DRC9: variants seen among roughly 807,000 people sequenced by gnomAD.
DRC9 encodes the protein dynein regulatory complex subunit 9.
At chr3:197,897,661 G>C in the DRC9 span, among the ~76,000 whole-genome samples, 1 of 151,700 alleles carries the variant, frequency 6.6e-6, no homozygotes, top group African/African-American at 2.4e-5. Flanking sequence ...ATAAAATATT[G>C]TCTGTAACAG....
chr3:197,910,736 T>C, the DRC9 span, among the ~76,000 whole-genome samples: 1 of 152,162 alleles, frequency 6.6e-6, no homozygotes, highest in Non-Finnish European at 1.5e-5. Flanking sequence ...TCCCAGCACT[T>C]TGGGAGGCCG....
the DRC9 span, among the ~76,000 whole-genome samples, chr3:197,946,353 T>G: frequency 9.9e-5 from 14 of 141,062 alleles, no homozygotes; most frequent in African/African-American, 3.1e-4. Context: ...GAGAATGGCG[T>G]GAACCTGGGA....
the DRC9 span, among the ~76,000 whole-genome samples, chr3:197,893,701 A>G: frequency 6.6e-6 from 1 of 151,052 alleles, no homozygotes; most frequent in African/African-American, 2.4e-5. Context: ...AAAAAAAAAA[A>G]GCCAGGCATG....
chr3:197,897,232 C>T, the DRC9 span, among the ~76,000 whole-genome samples: 1 of 151,606 alleles, frequency 6.6e-6, no homozygotes, highest in South Asian at 2.1e-4. Context: ...ACGTAAGTTA[C>T]AAAAAAGACT....
At chr3:197,955,643 G>C in the DRC9 span, 3 of 1,005,698 alleles carry the variant, frequency 3.0e-6, no homozygotes, top group South Asian at 1.3e-5. Flanking sequence ...CTTACCACTA[G>C]AACATGTAAT....
At chr3:197,953,418 C>T in the DRC9 span, 6 of 456,570 alleles carry the variant, frequency 1.3e-5, no homozygotes, top group South Asian at 3.1e-5. Context: ...GTACATTGCT[C>T]GAACCACAGT....
chr3:197,895,276 T>C, the DRC9 span, among the ~76,000 whole-genome samples: 1 of 152,186 alleles, frequency 6.6e-6, no homozygotes, highest in Non-Finnish European at 1.5e-5. Context: ...ATTTTATTTA[T>C]TTATTTACTT....
the DRC9 span, among the ~76,000 whole-genome samples, chr3:197,892,416 G>T: frequency 6.6e-6 from 1 of 152,172 alleles, no homozygotes; most frequent in Non-Finnish European, 1.5e-5. Flanking sequence ...CATCTAAAAA[G>T]AATCCTGGTG....
the DRC9 span, among the ~76,000 whole-genome samples, chr3:197,907,848 C>T: frequency 6.6e-6 from 1 of 150,398 alleles, no homozygotes; most frequent in African/African-American, 2.5e-5. Flanking sequence ...AAGAGCAACC[C>T]TTTCCAAGGC....
the DRC9 span, among the ~76,000 whole-genome samples, chr3:197,911,386 T>C: frequency 6.6e-6 from 1 of 152,138 alleles, no homozygotes; most frequent in East Asian, 1.9e-4. Flanking sequence ...TAGTAAATAG[T>C]TGCCATGAAG....
chr3:197,915,056 C>T, the DRC9 span, among the ~76,000 whole-genome samples: 2,805 of 149,480 alleles, frequency 0.019, 117 homozygotes, highest in African/African-American at 0.066. Context: ...CCCAGCTACT[C>T]GGGAGGCTGA....
the DRC9 span, among the ~76,000 whole-genome samples, chr3:197,949,211 G>A: frequency 6.6e-6 from 1 of 152,162 alleles, no homozygotes; most frequent in Non-Finnish European, 1.5e-5. Context: ...TTACTGCCGT[G>A]TCATCTTACA....
At chr3:197,891,598 G>C in the DRC9 span, 1 of 1,010,946 alleles carries the variant, frequency 9.9e-7, no homozygotes, top group Non-Finnish European at 1.5e-6. Flanking sequence ...TGGCTAAGCT[G>C]TAGCCCAGCC....
At chr3:197,954,209 C>T in the DRC9 span, 5 of 1,575,312 alleles carry the variant, frequency 3.2e-6, no homozygotes, top group Non-Finnish European at 4.4e-6. Context: ...AGGTGTTGTG[C>T]TTTGACTTCT....
At chr3:197,937,026 T>A in the DRC9 span, among the ~76,000 whole-genome samples, 1 of 152,230 alleles carries the variant, frequency 6.6e-6, no homozygotes, top group Non-Finnish European at 1.5e-5. Flanking sequence ...GTAAGTTCTC[T>A]TTGGCAACGA....
the DRC9 span, among the ~76,000 whole-genome samples, chr3:197,914,559 A>T: frequency 6.6e-6 from 1 of 152,216 alleles, no homozygotes; most frequent in Admixed American, 6.5e-5. Context: ...AATTGTGAGG[A>T]CTCAATAGTC....
chr3:197,894,833 G>A, the DRC9 span, among the ~76,000 whole-genome samples: 9 of 152,286 alleles, frequency 5.9e-5, no homozygotes, highest in African/African-American at 2.2e-4. Flanking sequence ...GAAGGCAGAG[G>A]TGGGAGGACT....
the DRC9 span, among the ~76,000 whole-genome samples, chr3:197,934,023 A>C: frequency 6.7e-6 from 1 of 150,286 alleles, no homozygotes; most frequent in Admixed American, 6.6e-5. Context: ...TAGTTTGCTA[A>C]GAGGTTTTTA....
chr3:197,950,342 T>G, the DRC9 span: 3 of 1,225,634 alleles, frequency 2.4e-6, no homozygotes, highest in Non-Finnish European at 2.0e-6. Context: ...TCTACGGGTT[T>G]CAAGAAGAGG....
Sources: gnomAD v4.1 joint callset for allele counts (sites outside exome capture counted in the v4.1 genomes callset) on GRCh38, gnomAD v4.1.1 for gene constraint, MANE v1.5 for transcripts, NCBI Gene and HGNC (gene_info 2026-07-23, HGNC 2026-07-21) for gene names.